LRRN1: variants seen among roughly 807,000 people sequenced by gnomAD.
LRRN1 encodes leucine-rich repeat neuronal protein 1.
Under a neutral mutation model 45.8 loss-of-function variants are expected in LRRN1, and 14 were observed. That is an observed-to-expected ratio of 0.31 (90% CI 0.20 to 0.48). LRRN1 has a LOEUF of 0.48. Ranked by LOEUF, LRRN1 falls within the 20% of genes least tolerant of loss-of-function variation. The pLI, the probability that LRRN1 is intolerant of heterozygous loss-of-function variation, is 0.99. For synonymous variants in LRRN1, 359 were observed against 330.1 expected (o/e 1.09, Z -0.95); for missense variants, 789 against 874.2 (o/e 0.90, Z 1.23).
At chr3:3,817,115 C>G (rs1039601641) in intron 1 of LRRN1, among the ~76,000 whole-genome samples, 1 of 152,090 alleles carries the variant, frequency 6.6e-6, no homozygotes, top group African/African-American at 2.4e-5. Context: ...AAGTAAAGCA[C>G]CTTTCACAGT....
At chr3:3,839,512 A>G (rs1693600323) in intron 1 of LRRN1, among the ~76,000 whole-genome samples, 1 of 152,146 alleles carries the variant, frequency 6.6e-6, no homozygotes, top group Non-Finnish European at 1.5e-5. Context: ...TTTTTCCTGT[A>G]GAAATTACCA....
intron 1 of LRRN1, among the ~76,000 whole-genome samples, chr3:3,826,394 T>A (rs768090546): frequency 6.6e-6 from 1 of 152,178 alleles, no homozygotes; most frequent in Non-Finnish European, 1.5e-5. Flanking sequence ...TTACATGACT[T>A]GTTCAAGGTC....
chr3:3,834,172 C>T (rs748513779), intron 1 of LRRN1, among the ~76,000 whole-genome samples: 7 of 151,990 alleles, frequency 4.6e-5, no homozygotes, highest in African/African-American at 1.7e-4. Context: ...TCACTTTGTC[C>T]ACTGAACTTA....
In LRRN1 at chr3:3,846,564, C is replaced by T. The variant is rs144138049; in HGVS notation, c.1923C>T (p.Ala641=). The change falls in exon 2 of 2, where the codon GCC becomes GCT. Residue 641 remains alanine (A), a synonymous_variant. Coordinates refer to ENST00000319331, the MANE Select transcript of LRRN1 (RefSeq NM_020873.7). The surrounding 1 kb of genome is among the most constrained non-coding windows in gnomAD (Gnocchi z 5.7). Reference sequence around the variant, plus strand: ...CTGCAGTAATGGGGTCTATGTTTGCCGTCATTAGCCTTGCGTCCATTGCTG... The same window carrying T: ...CTGCAGTAATGGGGTCTATGTTTGCTGTCATTAGCCTTGCGTCCATTGCTG... ...ALAAVMGSMF[A]VISLASIAVY... is the part of the protein sequence containing the mutation. 299 of 1,614,122 alleles carry T rather than the reference C, an allele frequency of 1.9e-4. No individual in the cohort carries two copies. Among genetic ancestry groups the T allele is most frequent in the Middle Eastern group, 5.0e-4 (3 of 6,060 alleles).
At chr3:3,838,446 C>G (rs1448937589) in intron 1 of LRRN1, among the ~76,000 whole-genome samples, 1 of 152,150 alleles carries the variant, frequency 6.6e-6, no homozygotes, top group Non-Finnish European at 1.5e-5. Flanking sequence ...ATTTGGGCTG[C>G]CTCTCCCTCT....
intron 1 of LRRN1, among the ~76,000 whole-genome samples, chr3:3,808,347 G>T (rs528212117): frequency 3.9e-5 from 6 of 152,242 alleles, no homozygotes; most frequent in African/African-American, 1.4e-4. Context: ...CAACAACTCT[G>T]TAATGTAGAC....
At chr3:3,830,012 A>G (rs1693330910) in intron 1 of LRRN1, among the ~76,000 whole-genome samples, 1 of 152,202 alleles carries the variant, frequency 6.6e-6, no homozygotes, top group Non-Finnish European at 1.5e-5. Flanking sequence ...GAGCCAGGTC[A>G]GCCTTGGTGA....
chr3:3,812,077 C>A (rs79082479), intron 1 of LRRN1, among the ~76,000 whole-genome samples: 119 of 152,332 alleles, frequency 7.8e-4, no homozygotes, highest in African/African-American at 2.8e-3. Flanking sequence ...TAGAACATGA[C>A]AGTCATTCAC....
chr3:3,845,235 C>G lies in LRRN1; in HGVS notation c.594C>G (p.Ile198Met), dbSNP rs3749348. ...CACCCAACCTGGAAATTCTCATGAT[C>G]GGAGAAAACCCTGTGATTGGAATTC... Reference protein sequence around the residue: ...DSTPNLEILMIGENPVIGILD... With the variant: ...DSTPNLEILMMGENPVIGILD... Residue 198 changes from isoleucine to methionine, a missense_variant, in exon 2 of 2, where the codon ATC (isoleucine) becomes ATG (methionine). Physicochemically the swap from Ile to Met is conservative, Grantham distance 10 (BLOSUM62 1). Coordinates refer to ENST00000319331, the MANE Select transcript of LRRN1 (RefSeq NM_020873.7). This position sits in a 1 kb window ranked among gnomAD's most constrained non-coding sequence, Gnocchi z 6.5. 3.1e-6 allele frequency: 5 copies of G among 1,613,986 alleles called. No individual in the cohort carries two copies. The South Asian group carries it at 5.5e-5, about 18-fold the overall frequency.
chr3:3,819,149 G>C (rs1007438396), intron 1 of LRRN1, among the ~76,000 whole-genome samples: 2 of 151,944 alleles, frequency 1.3e-5, no homozygotes, highest in African/African-American at 2.4e-5. Flanking sequence ...CGCCATGCCT[G>C]GCTAATTTTT....
intron 1 of LRRN1, among the ~76,000 whole-genome samples, chr3:3,838,740 C>T (rs1157094517): frequency 6.6e-6 from 1 of 152,038 alleles, no homozygotes; most frequent in African/African-American, 2.4e-5. Flanking sequence ...GGTGATATTT[C>T]ATTGTGCTTT....
chr3:3,837,659 G>A (rs1693552308), intron 1 of LRRN1, among the ~76,000 whole-genome samples: 2 of 151,878 alleles, frequency 1.3e-5, no homozygotes, highest in Non-Finnish European at 2.9e-5. Flanking sequence ...GCAGGGTTCT[G>A]GTGGGATCAG....
intron 1 of LRRN1, among the ~76,000 whole-genome samples, chr3:3,802,443 T>G (rs952453724): frequency 7.2e-5 from 11 of 152,138 alleles, no homozygotes; most frequent in Non-Finnish European, 1.6e-4. Flanking sequence ...AAAGGGACAT[T>G]AAAATACAAC....
chr3:3,831,202 C>T (rs1410243799), intron 1 of LRRN1, among the ~76,000 whole-genome samples: 2 of 152,206 alleles, frequency 1.3e-5, no homozygotes, highest in African/African-American at 4.8e-5. Flanking sequence ...AATGTGTTGC[C>T]TCCAAGATCC....
At chr3:3,815,576 TAAAC>T (rs1485966744) in intron 1 of LRRN1, among the ~76,000 whole-genome samples, 1 of 152,130 alleles carries the variant, frequency 6.6e-6, no homozygotes, top group Non-Finnish European at 1.5e-5. Context: ...GAAGTGAAAA[TAAAC>T]TAACTACTTG....
At chr3:3,835,397 T>C (rs1403324958) in intron 1 of LRRN1, among the ~76,000 whole-genome samples, 1 of 152,210 alleles carries the variant, frequency 6.6e-6, no homozygotes, top group Non-Finnish European at 1.5e-5. Context: ...CAGTATGGTT[T>C]CTACTAAGTG....
intron 1 of LRRN1, among the ~76,000 whole-genome samples, chr3:3,840,865 G>A (rs1425161134): frequency 6.6e-6 from 1 of 152,068 alleles, no homozygotes; most frequent in African/African-American, 2.4e-5. Flanking sequence ...CTAAAATGGG[G>A]GCATTAGCTA....
intron 1 of LRRN1, among the ~76,000 whole-genome samples, chr3:3,807,954 G>C (rs1243408705): frequency 6.6e-6 from 1 of 152,188 alleles, no homozygotes; most frequent in Non-Finnish European, 1.5e-5. Flanking sequence ...CTTTCTCATG[G>C]GGAGGCCATG....
Position 3,845,398 on chromosome 3 carries a change from A to G in LRRN1, c.757A>G (p.Lys253Glu), listed in dbSNP as rs1366141025. The change falls in exon 2 of 2, where the codon AAA (lysine) becomes GAA (glutamate). Residue 253 changes from lysine to glutamate, a missense_variant. Physicochemically the swap from Lys to Glu is moderately conservative, Grantham distance 56 (BLOSUM62 1). Coordinates refer to ENST00000319331, the MANE Select transcript of LRRN1 (RefSeq NM_020873.7). This position sits in a 1 kb window ranked among gnomAD's most constrained non-coding sequence, Gnocchi z 6.5. Reference sequence around the variant, plus strand: ...GTCTTTTTATGATAACAAACTGGTTAAAGTCCCTCAACTTGCCCTGCAAAA... The same window carrying G: ...GTCTTTTTATGATAACAAACTGGTTGAAGTCCCTCAACTTGCCCTGCAAAA... ...SLSFYDNKLV[K>E]VPQLALQKVP... 1.1e-5 allele frequency: 18 copies of G among 1,614,028 alleles called. No homozygotes were observed. Among genetic ancestry groups the G allele is most frequent in the Non-Finnish European group, 1.5e-5 (18 of 1,180,018 alleles).
Sources: allele counts gnomAD v4.1 joint callset (sites outside exome capture counted in the v4.1 genomes callset), GRCh38; gene constraint gnomAD v4.1.1; non-coding constraint Gnocchi (gnomAD v3.1); transcripts MANE v1.5; gene names NCBI Gene and HGNC (gene_info 2026-07-23, HGNC 2026-07-21).